The following RICTOR variants were observed in gnomAD, a reference collection of about 807,000 sequenced individuals.
The protein encoded by RICTOR is RPTOR independent companion of MTOR complex 2.
Under a neutral mutation model 214.9 loss-of-function variants are expected in RICTOR, and 49 were observed. The observed-to-expected ratio is 0.23, with a 90% CI of 0.18 to 0.29. RICTOR has a LOEUF of 0.29. Ranked by LOEUF, RICTOR falls within the 10% of genes least tolerant of loss-of-function variation. The pLI, the probability that RICTOR is intolerant of heterozygous loss-of-function variation, is 1.00. For synonymous variants in RICTOR, 717 were observed against 711.3 expected, an observed-to-expected ratio of 1.01 and a Z score of -0.13; for missense variants, 1,625 against 2,047.0, an observed-to-expected ratio of 0.79 and a Z score of 3.98.
chr5:39,003,468 G>T, intron 4 of RICTOR, 90 bp downstream of exon 4: 1 of 787,168 alleles, frequency 1.3e-6, no homozygotes, highest in Non-Finnish European at 2.1e-6. Flanking sequence ...AATATGAGGT[G>T]CTGTATTATT....
chr5:39,003,370 T>C (rs954243409), intron 4 of RICTOR, among the ~76,000 whole-genome samples, 188 bp downstream of exon 4: 1 of 152,186 alleles, frequency 6.6e-6, no homozygotes, highest in Admixed American at 6.5e-5. Flanking sequence ...ATTTAGTAAT[T>C]AGAAAATATC....
At position 39,036,751 on chromosome 5, in the gene RICTOR, C is replaced by G. The variant is rs573169344; in HGVS notation, c.98-15615G>C. 4.6e-5 allele frequency among the ~76,000 whole-genome samples: 7 copies of G among 152,290 alleles called. No homozygotes were observed. In the South Asian group the frequency reaches 1.4e-3, roughly 32 times the overall value. On this transcript the variant is annotated intron_variant, in intron 2 of 37. Transcript: ENST00000357387. ...TTACATAATGGTAAAGGCATAAATT[C>G]AACAAGAAGAGCTAAGTATCCTAAA...
At chr5:38,985,405 T>C (rs1050740017) in intron 7 of RICTOR, among the ~76,000 whole-genome samples, 12 of 152,188 alleles carry the variant, frequency 7.9e-5, no homozygotes, top group African/African-American at 2.9e-4. Context: ...AATCCACAGA[T>C]GTGGAAGCTG....
At chr5:39,000,879 T>A (rs1039349832) in intron 5 of RICTOR, among the ~76,000 whole-genome samples, 9 of 152,004 alleles carry the variant, frequency 5.9e-5, no homozygotes, top group African/African-American at 2.2e-4. Flanking sequence ...ATTAATACTA[T>A]CAGAAAAATA....
At chr5:38,981,284 GA>G (rs562368085) in intron 8 of RICTOR, 3,553 of 152,210 alleles carry the variant, frequency 0.023, 60 homozygotes, top group Non-Finnish European at 0.037. Context: ...TGCACACGAA[GA>G]AACTATAATA....
rs149142099 is a variant in RICTOR at position 38,966,707 on chromosome 5, C to T, written c.1233G>A (p.Val411=). 1,104 of 1,572,144 alleles carry T rather than the reference C, an allele frequency of 7.0e-4. 1 individual carries two copies. The highest frequency in any genetic ancestry group is 9.0e-4 in the Non-Finnish European group (1,029 of 1,145,084). The part of the protein sequence containing the change: ...RNGLLEGLVE[V]ITNSDDHISV... ...AGATATGATCATCACTGTTTGTTAT[C>T]ACTTCAACTAGACCCTTTGAAAATA... Residue 411 remains valine, a synonymous_variant, in exon 15 of 38, where the codon GTG becomes GTA. Coordinates refer to ENST00000357387, the MANE Select transcript of RICTOR (RefSeq NM_152756.5).
At position 38,938,374 on chromosome 5, in the gene RICTOR, G is replaced by C. The variant is rs1024867132; in HGVS notation, c.*3930C>G. 1 of 230,068 alleles carries C rather than the reference G, an allele frequency of 4.3e-6. No individual in the cohort carries two copies. The highest frequency in any genetic ancestry group is 6.2e-5 in the East Asian group (1 of 16,068). 14.3% of individuals were successfully genotyped at this position (230,068 alleles called of 1,614,324 possible). On this transcript the variant is annotated 3_prime_UTR_variant, in exon 38 of 38. Coordinates refer to ENST00000357387, the MANE Select transcript of RICTOR (RefSeq NM_152756.5). ...TTTAGGGTTTCTGACAGGTATTTTT[G>C]TAACAATTACCTATAAAATTTTTTT...
chr5:38,978,638 G>T lies in RICTOR; in HGVS notation c.766C>A (p.Pro256Thr), dbSNP rs1423248534. Residue 256 changes from proline to threonine, a missense_variant, in exon 9 of 38, where the codon CCC becomes ACC. Around this residue, in one of 5 missense-constraint regions of RICTOR, gnomAD observed 258 missense variants for 393.7 expected, o/e 0.66. Transcript: ENST00000357387. The part of the protein sequence containing the change: ...ADVELERILA[P>T]YTDFHYRHSP... ...TGTCTGTAGTGAAAATCAGTATAGG[G>T]TGCTAAAATTCTCTATTTAAAAAAA... is the stretch of plus-strand genomic sequence containing the variant. 2.6e-6 allele frequency: 4 copies of T among 1,537,192 alleles called. No homozygotes were observed. The highest frequency in any genetic ancestry group is 2.7e-6 in the Non-Finnish European group (3 of 1,121,840).
chr5:38,984,985 T>G (rs549161672), intron 7 of RICTOR, among the ~76,000 whole-genome samples: 1 of 152,232 alleles, frequency 6.6e-6, no homozygotes, highest in South Asian at 2.1e-4. Context: ...TTTGTTTGTT[T>G]TTTAGTAGAG....
rs557539575 is a variant in RICTOR at position 39,039,157 on chromosome 5, T to A, written c.98-18021A>T. On this transcript the variant is annotated intron_variant, in intron 2 of 37. Coordinates refer to ENST00000357387, the MANE Select transcript of RICTOR (RefSeq NM_152756.5). ...AACAGAACAGAGCCCGCAGAAATAA[T>A]GCCACATATCTACAATTATCTGATC... Among the ~76,000 whole-genome samples the A allele has an allele frequency of 2.6e-5, 4 of 152,200 alleles. No homozygotes were observed. In the South Asian group the frequency reaches 6.2e-4, roughly 24 times the overall value.
chr5:39,030,130 C>T (rs190924833), intron 2 of RICTOR, among the ~76,000 whole-genome samples: 77 of 152,218 alleles, frequency 5.1e-4, no homozygotes, highest in African/African-American at 1.8e-3. Flanking sequence ...TTATGACCCT[C>T]TTCCTCTTAG....
At position 38,947,376 on chromosome 5, in the gene RICTOR, T is replaced by A. The variant is rs1198187664; in HGVS notation, c.4202A>T (p.Asn1401Ile). 1 of 1,612,128 alleles carries A rather than the reference T, an allele frequency of 6.2e-7. No homozygotes were observed. The highest frequency in any genetic ancestry group is 8.5e-7 in the Non-Finnish European group (1 of 1,178,320). ...CACTGAGGAAGATCGTTGCAGGGTA[T>A]TTTGATTAATAGGACTCAATAAATC... ...KEDLLSPINQNTLQRSSSVRS... is the reference protein window; with the variant it reads ...KEDLLSPINQITLQRSSSVRS... Residue 1401 changes from asparagine (N) to isoleucine (I), a missense_variant, in exon 32 of 38, where the codon AAT becomes ATT. This residue lies in a region of RICTOR where 1,214 missense variants were observed against 1,470.5 expected (regional missense o/e 0.83). Coordinates refer to ENST00000357387, the MANE Select transcript of RICTOR (RefSeq NM_152756.5).
rs1304761708 is a variant in RICTOR at position 38,994,451 on chromosome 5, A to AAAAAAAAAAAAAG, written c.456+2367_456+2368insCTTTTTTTTTTTT. 8.6e-3 allele frequency among the ~76,000 whole-genome samples: 876 copies of AAAAAAAAAAAAAG among 101,536 alleles called. 223 individuals are homozygous for AAAAAAAAAAAAAG. The highest frequency in any genetic ancestry group is 0.01 in the Non-Finnish European group (532 of 52,054). The allele number at this position is 101,536 out of a possible 152,430, so 66.6% of individuals were successfully genotyped here. On this transcript the variant is annotated intron_variant, in intron 6 of 37. Coordinates refer to ENST00000357387, the MANE Select transcript of RICTOR (RefSeq NM_152756.5). Reference sequence around the variant, plus strand: ...AAAAAAAAAAAAAAAAAAAAAAAAAAAGTGCTTCAGATGCCAAAAGCACTA... The same window carrying AAAAAAAAAAAAAG: ...AAAAAAAAAAAAAAAAAAAAAAAAAAAAAAAAAAAAAAGAGTGCTTCAGATGCCAAAAGCACTA...
At chr5:39,006,716 G>A (rs1476364301) in intron 3 of RICTOR, among the ~76,000 whole-genome samples, 1 of 35,276 alleles carries the variant, frequency 2.8e-5, no homozygotes, top group Admixed American at 1.9e-4. Flanking sequence ...GGGAGAGGAG[G>A]GGAGAGGAGG....
chr5:38,977,115 A>T (rs1751301670), intron 9 of RICTOR, among the ~76,000 whole-genome samples: 1 of 152,234 alleles, frequency 6.6e-6, no homozygotes, highest in African/African-American at 2.4e-5. Flanking sequence ...CAGAGGGAGA[A>T]GACCATGTGC....
intron 24 of RICTOR, 92 bp downstream of exon 24, chr5:38,958,351 C>A: frequency 1.2e-6 from 1 of 805,858 alleles, no homozygotes. Context: ...AACTCTTCAG[C>A]GTACTTCCCA....
chr5:38,990,176 G>A (rs923569147), intron 7 of RICTOR, among the ~76,000 whole-genome samples: 4 of 152,092 alleles, frequency 2.6e-5, no homozygotes, highest in Non-Finnish European at 4.4e-5. Context: ...AAAAGGATGA[G>A]TTCATGTCCT....
In RICTOR at chr5:38,976,624, T is replaced by C. The variant is rs560067942; in HGVS notation, c.822-1020A>G. Among the ~76,000 whole-genome samples the C allele has an allele frequency of 1.6e-4, 25 of 152,000 alleles. No individual in the cohort carries two copies. The Middle Eastern group carries it at 0.01, about 62-fold the overall frequency. Reference sequence around the variant, plus strand: ...CTTTCTCTTAAAAAAGTTGGTGACATACATTGACTGTTTGGTAATCCATCT... The same window carrying C: ...CTTTCTCTTAAAAAAGTTGGTGACACACATTGACTGTTTGGTAATCCATCT... On this transcript the variant is annotated intron_variant, in intron 9 of 37. Transcript: ENST00000357387.
chr5:39,039,967 G>C (rs561561251), intron 2 of RICTOR, among the ~76,000 whole-genome samples: 1 of 152,016 alleles, frequency 6.6e-6, no homozygotes, highest in African/African-American at 2.4e-5. Context: ...CCATTACTGG[G>C]TATATACCCA....
Sources: allele counts gnomAD v4.1 joint callset (sites outside exome capture counted in the v4.1 genomes callset), GRCh38; gene constraint gnomAD v4.1.1; regional missense constraint gnomAD v4.1.1; transcripts MANE v1.5; gene names NCBI Gene and HGNC (gene_info 2026-07-23, HGNC 2026-07-21).